Variants in RBM25 observed in about 807,000 individuals in gnomAD.
The protein encoded by RBM25 is RNA binding motif protein 25.
RBM25 carries 19 observed loss-of-function variants against 120.7 expected under a neutral mutation model. The ratio of observed to expected loss-of-function variants is 0.16; its 90% CI spans 0.11 to 0.23. The LOEUF (loss-of-function observed/expected upper bound fraction) is 0.23. RBM25 is among the 10% of genes least tolerant of loss of function. The probability of loss-of-function intolerance (pLI) is 1.00; values close to 1 mark genes in which losing one functional copy is unlikely to be tolerated. For missense variants in RBM25, 605 were observed against 1,041.5 expected (o/e 0.58, Z 5.77); for synonymous variants, 390 against 326.7 (o/e 1.19, Z -2.09).
intron 1 of RBM25, chr14:73,068,437 A>T (rs1895196250): frequency 1.4e-6 from 1 of 710,426 alleles, no homozygotes; most frequent in Non-Finnish European, 2.5e-6. Context: ...ACTTATTCAG[A>T]CTACCAGCTG....
intron 6 of RBM25, among the ~76,000 whole-genome samples, chr14:73,094,326 AC>A (rs1266094165): frequency 1.3e-5 from 2 of 151,726 alleles, no homozygotes; most frequent in Non-Finnish European, 2.9e-5. Flanking sequence ...GGGTTAATAA[AC>A]TTTTCTTCTA....
At chr14:73,106,735 C>T (rs1594931028) in intron 12 of RBM25, among the ~76,000 whole-genome samples, 1 of 151,954 alleles carries the variant, frequency 6.6e-6, no homozygotes, top group East Asian at 1.9e-4. Context: ...TAAATTTCTG[C>T]GTTTCTTAAA....
At chr14:73,067,759 G>A (rs189829211) in intron 1 of RBM25, among the ~76,000 whole-genome samples, 111 of 151,240 alleles carry the variant, frequency 7.3e-4, no homozygotes, top group African/African-American at 2.6e-3. Context: ...GCCTGCCACC[G>A]CACCCAGCTA....
At chr14:73,060,799 C>CT (rs1294284502) in intron 1 of RBM25, among the ~76,000 whole-genome samples, 1 of 151,394 alleles carries the variant, frequency 6.6e-6, no homozygotes, top group African/African-American at 2.4e-5. Context: ...AGCTATCTTT[C>CT]ACCAGATTCC....
intron 1 of RBM25, chr14:73,068,497 G>A (rs140454032): frequency 3.4e-6 from 3 of 890,770 alleles, no homozygotes; most frequent in Admixed American, 3.7e-5. Context: ...TCAGTGTGCC[G>A]CATGTTGTAT....
At chr14:73,082,489 C>T (rs1280792250) in intron 4 of RBM25, among the ~76,000 whole-genome samples, 1 of 152,030 alleles carries the variant, frequency 6.6e-6, no homozygotes, top group Non-Finnish European at 1.5e-5. Flanking sequence ...CAGTGTCTCC[C>T]TATGTTGCCC....
chr14:73,074,247 C>A (rs918780551), intron 2 of RBM25, among the ~76,000 whole-genome samples: 15 of 152,064 alleles, frequency 9.9e-5, no homozygotes, highest in African/African-American at 3.6e-4. Flanking sequence ...GAGACAGGAT[C>A]TCTCTTTGTC....
chr14:73,100,121 TA>T, intron 9 of RBM25: 1 of 472,370 alleles, frequency 2.1e-6, no homozygotes. Context: ...ATCTTAGGAA[TA>T]CCTTTTCTTT....
In RBM25 at chr14:73,121,520, A is replaced by G. The variant is rs550260545; in HGVS notation, c.*1715A>G. ...TCTATGGAAATGTCTCTTTTATTTTAAATTCTGGTTTCTCAACGGAAAATT... is the reference window on the plus strand; with the variant it reads ...TCTATGGAAATGTCTCTTTTATTTTGAATTCTGGTTTCTCAACGGAAAATT... On this transcript the variant is annotated 3_prime_UTR_variant, in exon 19 of 19. Transcript: ENST00000261973. The G allele has an allele frequency of 1.9e-4, 29 of 152,374 alleles. No homozygotes were observed. Among genetic ancestry groups the G allele is most frequent in the African/African-American group, 6.7e-4 (28 of 41,536 alleles). 9.4% of individuals were successfully genotyped at this position (152,374 alleles called of 1,614,324 possible). A position where few individuals can be genotyped will look rare whatever the true frequency, so the allele number is the denominator to read the frequency against.
At chr14:73,081,667 T>C (rs780825865) in intron 4 of RBM25, among the ~76,000 whole-genome samples, 3 of 152,222 alleles carry the variant, frequency 2.0e-5, no homozygotes, top group Non-Finnish European at 4.4e-5. Flanking sequence ...TGGTAACTTT[T>C]CTGAATCTAA....
At chr14:73,084,214 T>C (rs1366477599) in intron 5 of RBM25, among the ~76,000 whole-genome samples, 1 of 152,186 alleles carries the variant, frequency 6.6e-6, no homozygotes, top group East Asian at 1.9e-4. Flanking sequence ...GTTAATTTTT[T>C]AAATAGTTGA....
Position 73,111,139 on chromosome 14 carries a change from A to G in RBM25, c.2001A>G (p.Gly667=). ...CTGAGGAGCATAGGCCAAAAATAGG[A>G]CTAAGTCTTAAACTGGGTACGTTAG... ...QQPEEHRPKI[G]LSLKLGASNS... Residue 667 remains glycine, a synonymous_variant, in exon 15 of 19, where the codon GGA becomes GGG. Coordinates refer to ENST00000261973, the MANE Select transcript of RBM25 (RefSeq NM_021239.3). 6 of 1,609,696 alleles carry G rather than the reference A, an allele frequency of 3.7e-6. No homozygotes were observed. The highest frequency in any genetic ancestry group is 4.3e-6 in the Non-Finnish European group (5 of 1,176,042).
At chr14:73,100,378 T>C in intron 9 of RBM25, 1 of 633,722 alleles carries the variant, frequency 1.6e-6, no homozygotes, top group Non-Finnish European at 2.9e-6. Flanking sequence ...TATGAGCTTC[T>C]GTTTTTTATT....
Position 73,122,950 on chromosome 14 carries a change from GA to G in RBM25, c.*3150del, listed in dbSNP as rs1896562113. The G allele has an allele frequency of 6.6e-6, 1 of 152,124 alleles. No individual in the cohort carries two copies. Among genetic ancestry groups the G allele is most frequent in the African/African-American group, 2.4e-5 (1 of 41,420 alleles). The allele number at this position is 152,124 out of a possible 1,614,324, so 9.4% of individuals were successfully genotyped here. Reference sequence around the variant, plus strand: ...TTTTCCTTTAAGTAGATTTTAAAGAGAAAAACATTTTTTGAGGCAAATACAC... The same window carrying G: ...TTTTCCTTTAAGTAGATTTTAAAGAGAAAACATTTTTTGAGGCAAATACAC... On this transcript the variant is annotated 3_prime_UTR_variant, in exon 19 of 19. Transcript: ENST00000261973.
intron 1 of RBM25, chr14:73,068,159 G>T: frequency 2.4e-6 from 2 of 844,668 alleles, no homozygotes; most frequent in Non-Finnish European, 2.0e-6. Flanking sequence ...CTTGGTCCTG[G>T]ATGCTTTAGT....
intron 7 of RBM25, 122 bp from the exon 8 acceptor site, chr14:73,099,258 A>G: frequency 1.2e-6 from 1 of 846,264 alleles, no homozygotes; most frequent in Non-Finnish European, 1.8e-6. Flanking sequence ...TTTGAAATCA[A>G]GAAAGCATCA....
intron 2 of RBM25, among the ~76,000 whole-genome samples, chr14:73,074,151 T>C (rs1285697886): frequency 3.3e-5 from 5 of 152,234 alleles, no homozygotes; most frequent in African/African-American, 9.6e-5. Context: ...AGTTTTCTCT[T>C]TGGTCCGTAT....
At chr14:73,070,112 T>A (rs1375893830) in intron 1 of RBM25, among the ~76,000 whole-genome samples, 2 of 151,796 alleles carry the variant, frequency 1.3e-5, no homozygotes, top group Admixed American at 1.3e-4. Flanking sequence ...GACAGAGTCT[T>A]CCCCTGTCAC....
intron 1 of RBM25, among the ~76,000 whole-genome samples, chr14:73,070,214 ATTTTTT>A (rs1273251722): frequency 6.6e-6 from 1 of 150,610 alleles, no homozygotes; most frequent in East Asian, 1.9e-4. Context: ...TACCCTGCTA[ATTTTTT>A]TTTGTTTGTT....
Sources: gnomAD v4.1 joint callset for allele counts (sites outside exome capture counted in the v4.1 genomes callset) on GRCh38, gnomAD v4.1.1 for gene constraint, MANE v1.5 for transcripts, NCBI Gene and HGNC (gene_info 2026-07-23, HGNC 2026-07-21) for gene names.